The following SLC38A1 variants were observed in gnomAD, a reference collection of about 807,000 sequenced individuals.
SLC38A1 encodes solute carrier family 38 member 1.
A neutral mutation model predicts 60.3 loss-of-function variants in SLC38A1; 18 were observed. The ratio of observed to expected loss-of-function variants is 0.30; its 90% CI spans 0.21 to 0.44. SLC38A1 has a LOEUF of 0.44. SLC38A1 is among the 20% of genes least tolerant of loss of function. The pLI is 1.00. For missense variants in SLC38A1, 448 were observed against 587.2 expected, an observed-to-expected ratio of 0.76 and a Z score of 2.45; for synonymous variants, 196 against 212.1, an observed-to-expected ratio of 0.92 and a Z score of 0.66.
At chr12:46,246,509 T>C (rs577365851) in intron 1 of SLC38A1, among the ~76,000 whole-genome samples, 1 of 152,332 alleles carries the variant, frequency 6.6e-6, no homozygotes, top group Non-Finnish European at 1.5e-5. Context: ...CCAAGGAAGC[T>C]CGAACTGGGT....
chr12:46,229,481 G>T, intron 4 of SLC38A1, 83 bp downstream of exon 4: 1 of 1,084,754 alleles, frequency 9.2e-7, no homozygotes, highest in Non-Finnish European at 1.4e-6. Flanking sequence ...TATGCTTTTG[G>T]TACTATGCTA....
At chr12:46,246,065 C>G (rs1941604467) in intron 1 of SLC38A1, among the ~76,000 whole-genome samples, 1 of 152,160 alleles carries the variant, frequency 6.6e-6, no homozygotes, top group African/African-American at 2.4e-5. Context: ...GGAACAGCTC[C>G]CTTCTGCAGC....
chr12:46,233,957 T>C (rs1288869126), intron 3 of SLC38A1, among the ~76,000 whole-genome samples: 2 of 152,210 alleles, frequency 1.3e-5, no homozygotes, highest in African/African-American at 4.8e-5. Context: ...CCTGAGGTGC[T>C]GAGGGCTGAG....
chr12:46,262,368 T>C (rs1175402993), intron 1 of SLC38A1, among the ~76,000 whole-genome samples: 5 of 151,316 alleles, frequency 3.3e-5, no homozygotes, highest in Non-Finnish European at 5.9e-5. Flanking sequence ...ACAGACTGTA[T>C]ATTACATTTA....
intron 8 of SLC38A1, among the ~76,000 whole-genome samples, chr12:46,206,389 T>TC (rs140874176): frequency 0.04 from 6,068 of 152,170 alleles, 177 homozygotes; most frequent in Middle Eastern, 0.082. Context: ...GGTTTTTTTT[T>TC]TTCCCATTGG....
At chr12:46,229,045 G>A (rs1940970100) in intron 5 of SLC38A1, 108 bp downstream of exon 5, 3 of 630,252 alleles carry the variant, frequency 4.8e-6, no homozygotes, top group South Asian at 2.6e-5. Flanking sequence ...ACTTAGCCAA[G>A]TTAATAAAAA....
intron 1 of SLC38A1, among the ~76,000 whole-genome samples, chr12:46,261,889 T>C (rs1565801021): frequency 1.3e-5 from 2 of 152,258 alleles, no homozygotes; most frequent in Admixed American, 1.3e-4. Context: ...CTGGAGACAT[T>C]TTGGGTTGCA....
intron 1 of SLC38A1, among the ~76,000 whole-genome samples, chr12:46,260,290 A>G (rs1316458905): frequency 6.6e-6 from 1 of 151,986 alleles, no homozygotes; most frequent in Admixed American, 6.6e-5. Context: ...ACATATTCCA[A>G]ATTCTTTCCT....
chr12:46,260,698 G>T (rs1228946949), intron 1 of SLC38A1, among the ~76,000 whole-genome samples: 1 of 152,092 alleles, frequency 6.6e-6, no homozygotes, highest in Non-Finnish European at 1.5e-5. Flanking sequence ...CCTTCTCCTT[G>T]TCACTCAGAC....
At chr12:46,203,785 CAGAAT>C (rs1473746431) in intron 11 of SLC38A1, among the ~76,000 whole-genome samples, 1 of 152,204 alleles carries the variant, frequency 6.6e-6, no homozygotes. Flanking sequence ...TTGTAAGATA[CAGAAT>C]AGAATACTTA....
At chr12:46,209,939 A>G (rs1940077832) in intron 5 of SLC38A1, among the ~76,000 whole-genome samples, 1 of 152,246 alleles carries the variant, frequency 6.6e-6, no homozygotes, top group Non-Finnish European at 1.5e-5. Context: ...TTAAAAAAGA[A>G]GAAAAAAAAT....
chr12:46,198,255 G>C (rs1453617015), intron 14 of SLC38A1, among the ~76,000 whole-genome samples, 195 bp from the exon 15 acceptor site: 1 of 148,852 alleles, frequency 6.7e-6, no homozygotes, highest in African/African-American at 2.6e-5. Context: ...TTATTTATGA[G>C]TAGTAGAGTT....
At chr12:46,250,406 C>A (rs941757643) in intron 1 of SLC38A1, among the ~76,000 whole-genome samples, 3 of 152,202 alleles carry the variant, frequency 2.0e-5, no homozygotes, top group Admixed American at 2.0e-4. Flanking sequence ...AAACTGGAAG[C>A]ATTCCCTTTG....
intron 1 of SLC38A1, among the ~76,000 whole-genome samples, chr12:46,264,464 T>C (rs1291239586): frequency 6.6e-6 from 1 of 152,224 alleles, no homozygotes; most frequent in African/African-American, 2.4e-5. Context: ...GGGGAACTCC[T>C]CTGTTATTAG....
At chr12:46,209,411 A>G (rs1273309632) in intron 5 of SLC38A1, among the ~76,000 whole-genome samples, 2 of 152,288 alleles carry the variant, frequency 1.3e-5, no homozygotes, top group East Asian at 3.9e-4. Context: ...TTAAAACAAC[A>G]TTATGAAAGA....
rs539340554 is a variant in SLC38A1, at chr12:46,200,107, C to T, written c.1003+991G>A. Among the ~76,000 whole-genome samples, 9 of 152,168 alleles carry T rather than the reference C, an allele frequency of 5.9e-5. No individual in the cohort carries two copies. In the South Asian group the frequency reaches 1.0e-3, roughly 18 times the overall value. ...AGACTTCAACTAACATTAAGTTCTC[C>T]GCCTCTCTCTCCCTGTACAACTCTG... On this transcript the variant is annotated intron_variant, in intron 13 of 16. Coordinates refer to ENST00000398637, the MANE Select transcript of SLC38A1 (RefSeq NM_030674.4).
At chr12:46,231,869 G>A (rs1307061981) in intron 3 of SLC38A1, among the ~76,000 whole-genome samples, 1 of 152,114 alleles carries the variant, frequency 6.6e-6, no homozygotes, top group Non-Finnish European at 1.5e-5. Context: ...TGAACTCCTG[G>A]CCTCCCAAAG....
At position 46,247,293 on chromosome 12, in the gene SLC38A1, A is replaced by G. The variant is rs189588887; in HGVS notation, c.-208-3979T>C. Among the ~76,000 whole-genome samples the G allele has an allele frequency of 2.2e-4, 33 of 152,332 alleles. No homozygotes were observed. The East Asian group carries it at 6.2e-3, about 29-fold the overall frequency. On this transcript the variant is annotated intron_variant, in intron 1 of 16. Coordinates refer to ENST00000398637, the MANE Select transcript of SLC38A1 (RefSeq NM_030674.4). ...AGGAAGCTAAAAACCTTGAAAAAAC[A>G]TTAGATGAATGGCTAACTAAAATAA...
At position 46,207,193 on chromosome 12, in the gene SLC38A1, A is replaced by G. The variant is rs781221487; in HGVS notation, c.525T>C (p.Ser175=). The change falls in exon 8 of 17, where the codon TCT becomes TCC. Residue 175 remains serine (S), a synonymous_variant. Coordinates refer to ENST00000398637, the MANE Select transcript of SLC38A1 (RefSeq NM_030674.4). ...YLFIVKNELP[S]AIKFLMGKEE... is the part of the protein sequence containing the mutation. The stretch of plus-strand genomic sequence containing the variant: ...CCTTTCCCATTAGAAACTTTATGGC[A>G]GAGGGTAGTTCATTTTTTACGATGA... 3 of 1,613,286 alleles carry G rather than the reference A, an allele frequency of 1.9e-6. No individual in the cohort carries two copies. The East Asian group carries it at 6.7e-5, about 36-fold the overall frequency.
Sources: gnomAD v4.1 joint callset for allele counts (sites outside exome capture counted in the v4.1 genomes callset) on GRCh38, gnomAD v4.1.1 for gene constraint, MANE v1.5 for transcripts, NCBI Gene and HGNC (gene_info 2026-07-23, HGNC 2026-07-21) for gene names.